Variants in OAF observed in about 807,000 individuals in gnomAD.
The protein encoded by OAF is out at first protein homolog.
OAF carries 13 observed loss-of-function variants against 22.5 expected under a neutral mutation model. The ratio of observed to expected loss-of-function variants is 0.58; its 90% CI spans 0.38 to 0.92. The LOEUF is 0.92. Ranked by LOEUF, OAF falls within the 40% of genes least tolerant of loss-of-function variation. The probability of loss-of-function intolerance (pLI) is 0.00; values close to 1 mark genes in which losing one functional copy is unlikely to be tolerated. For missense variants in OAF, 347 were observed against 381.8 expected (o/e 0.91, Z 0.76); for synonymous variants, 175 against 170.5 (o/e 1.03, Z -0.21).
At chr11:120,211,679 C>T (rs866942752) in intron 1 of OAF, among the ~76,000 whole-genome samples, 169 bp downstream of exon 1, 21 of 152,074 alleles carry the variant, frequency 1.4e-4, no homozygotes, top group Middle Eastern at 3.2e-3. Context: ...CAGGGCCCAC[C>T]CCTTCATTCT....
intron 1 of OAF, among the ~76,000 whole-genome samples, chr11:120,212,508 C>T (rs1467382575): frequency 2.0e-5 from 3 of 151,936 alleles, no homozygotes; most frequent in Non-Finnish European, 4.4e-5. Flanking sequence ...CTCCTTCCCC[C>T]AGCTAAAGAG....
chr11:120,215,926 C>G (rs2135090300), intron 1 of OAF, among the ~76,000 whole-genome samples: 1 of 152,122 alleles, frequency 6.6e-6, no homozygotes. Flanking sequence ...CTTTCCCCTC[C>G]CAGCATCAGG....
intron 3 of OAF, among the ~76,000 whole-genome samples, chr11:120,228,147 C>G (rs368159360): frequency 2.6e-5 from 4 of 151,774 alleles, no homozygotes; most frequent in Non-Finnish European, 5.9e-5. Flanking sequence ...TGCAATGGCA[C>G]GATCTCGGCT....
intron 1 of OAF, among the ~76,000 whole-genome samples, chr11:120,221,626 C>A (rs1264765958): frequency 6.6e-6 from 1 of 152,202 alleles, no homozygotes; most frequent in Non-Finnish European, 1.5e-5. Context: ...CCAGCAGAGG[C>A]AAAGCCAGGA....
rs539594186 is a variant in OAF at position 120,218,822 on chromosome 11, C to T, written c.232-6839C>T. ...CATTCTCCTGCAGGCGGGCCTCCCC[C>T]CAAACCCCAGGGCTTTCTGGGGAGG... is the stretch of plus-strand genomic sequence containing the variant. On this transcript the variant is annotated intron_variant, in intron 1 of 3. Coordinates refer to ENST00000328965, the MANE Select transcript of OAF (RefSeq NM_178507.4). Among the ~76,000 whole-genome samples, 357 of 152,184 alleles carry T rather than the reference C, an allele frequency of 2.3e-3. 3 individuals carry two copies. The highest frequency in any genetic ancestry group is 8.2e-3 in the African/African-American group (339 of 41,550).
chr11:120,228,845 T>A, intron 3 of OAF, 23 bp from the exon 4 acceptor site: 1 of 309,922 alleles, frequency 3.2e-6, no homozygotes, highest in Non-Finnish European at 6.5e-6. Flanking sequence ...CCTCCCTCCC[T>A]GATCCTTGCC....
rs550343225 is a variant in OAF, at chr11:120,220,332, A to T, written c.232-5329A>T. Among the ~76,000 whole-genome samples, 4 of 152,186 alleles carry T rather than the reference A, an allele frequency of 2.6e-5. No homozygotes were observed. In the South Asian group the frequency reaches 8.3e-4, roughly 32 times the overall value. ...CCCCTTGCCAGCCTCATCAGCACTCACGACCCTTCCCCTCCTCCCCTAGTA... is the reference window on the plus strand; with the variant it reads ...CCCCTTGCCAGCCTCATCAGCACTCTCGACCCTTCCCCTCCTCCCCTAGTA... On this transcript the variant is annotated intron_variant, in intron 1 of 3. Coordinates refer to ENST00000328965, the MANE Select transcript of OAF (RefSeq NM_178507.4).
intron 1 of OAF, chr11:120,217,040 T>TACCATGA (rs1471810488): frequency 6.6e-6 from 1 of 151,946 alleles, no homozygotes; most frequent in African/African-American, 2.4e-5. Flanking sequence ...GTACCATGAG[T>TACCATGA]GGGCTCCTTC....
At chr11:120,224,925 A>G (rs545031988) in intron 1 of OAF, among the ~76,000 whole-genome samples, 2 of 152,162 alleles carry the variant, frequency 1.3e-5, no homozygotes, top group Non-Finnish European at 2.9e-5. Context: ...AGCCCACCCT[A>G]CAGCTCTACT....
chr11:120,224,585 G>A (rs1938327190), intron 1 of OAF, among the ~76,000 whole-genome samples: 1 of 152,182 alleles, frequency 6.6e-6, no homozygotes, highest in Non-Finnish European at 1.5e-5. Context: ...GTTCTCGCGG[G>A]TGTACAGCAA....
At position 120,229,207 on chromosome 11, in the gene OAF, T is replaced by TGGCA. The variant is rs1157657914; in HGVS notation, c.*66_*69dup. 6 of 1,482,874 alleles carry TGGCA rather than the reference T, an allele frequency of 4.0e-6. No individual in the cohort carries two copies. The highest frequency in any genetic ancestry group is 5.6e-6 in the Non-Finnish European group (6 of 1,077,664). The allele number at this position is 1,482,874 out of a possible 1,614,324, so 91.9% of individuals were successfully genotyped here. On this transcript the variant is annotated 3_prime_UTR_variant, in exon 4 of 4. Transcript: ENST00000328965. ...GCTCTTCACCAGCCACTAGAGGGGG[T>TGGCA]GGCAACCCCCACCTGAGGCCTTATT... is the stretch of plus-strand genomic sequence containing the variant.
At chr11:120,222,897 T>C (rs1287394) in intron 1 of OAF, among the ~76,000 whole-genome samples, 39,535 of 148,432 alleles carry the variant, frequency 0.27, 6,309 homozygotes, top group African/African-American at 0.44. Flanking sequence ...GGTGACAGAG[T>C]GAGACTCTGT....
chr11:120,225,199 C>G (rs1367914091), intron 1 of OAF, among the ~76,000 whole-genome samples: 2 of 152,044 alleles, frequency 1.3e-5, no homozygotes, highest in Admixed American at 6.5e-5. Flanking sequence ...TCAGAAGCAC[C>G]AAGGGCATCT....
At position 120,228,919 on chromosome 11, in the gene OAF, A is replaced by C. The variant is rs1219619461; in HGVS notation, c.599A>C (p.Glu200Ala). Reference sequence around the variant, plus strand: ...CTGCCCAAGGCCTCAGAGCAGGCGGAGCTGCCTCGCTGCAGGCAGGTGGGG... The same window carrying C: ...CTGCCCAAGGCCTCAGAGCAGGCGGCGCTGCCTCGCTGCAGGCAGGTGGGG... ...EALPKASEQA[E>A]LPRCRQVGDH... is the part of the protein sequence containing the mutation. The change falls in exon 4 of 4, where the codon GAG becomes GCG. Residue 200 changes from glutamate to alanine, a missense_variant. Glu to Ala is a moderately radical substitution (Grantham distance 107). Coordinates refer to ENST00000328965, the MANE Select transcript of OAF (RefSeq NM_178507.4). 2 of 1,471,010 alleles carry C rather than the reference A, an allele frequency of 1.4e-6. No individual in the cohort carries two copies. The highest frequency in any genetic ancestry group is 1.8e-6 in the Non-Finnish European group (2 of 1,093,166). The allele number at this position is 1,471,010 out of a possible 1,614,324, so 91.1% of individuals were successfully genotyped here.
intron 1 of OAF, among the ~76,000 whole-genome samples, chr11:120,220,039 C>T (rs1186229072): frequency 6.6e-6 from 1 of 152,212 alleles, no homozygotes; most frequent in Non-Finnish European, 1.5e-5. Context: ...AGGCTAGAGT[C>T]GCTGCTCTTG....
Position 120,229,106 on chromosome 11 carries a change from G to A in OAF, c.786G>A (p.Gln262=), listed in dbSNP as rs771918690. The change falls in exon 4 of 4, where the codon CAG becomes CAA. Residue 262 remains glutamine (Q), a synonymous_variant. Transcript: ENST00000328965. ...YSFDFYVPQR[Q]LCLWDEDPYP... is the part of the protein sequence containing the mutation. ...TCGACTTCTACGTGCCCCAGAGGCA[G>A]CTGTGTCTCTGGGATGAGGATCCCT... 6.2e-7 allele frequency: 1 copy of A among 1,613,442 alleles called. No individual in the cohort carries two copies. The highest frequency in any genetic ancestry group is 2.2e-5 in the East Asian group (1 of 44,868).
At chr11:120,225,872 C>A in intron 2 of OAF, 77 bp downstream of exon 2, 3 of 1,371,356 alleles carry the variant, frequency 2.2e-6, no homozygotes, top group Non-Finnish European at 3.0e-6. Context: ...CCCGCAGACC[C>A]GGCCCAGATC....
At chr11:120,228,825 T>TACCCAAC in intron 3 of OAF, 43 bp from the exon 4 acceptor site, 6 of 434,172 alleles carry the variant, frequency 1.4e-5, no homozygotes, top group Admixed American at 2.3e-5. Context: ...GCTCCTTCCC[T>TACCCAAC]CCCTCCCTCC....
intron 1 of OAF, chr11:120,217,627 A>G (rs1471634768): frequency 6.6e-6 from 1 of 152,230 alleles, no homozygotes; most frequent in Admixed American, 6.5e-5. Context: ...AGCAATCACT[A>G]TGTACGTTTT....
Sources: gnomAD v4.1 joint callset for allele counts (sites outside exome capture counted in the v4.1 genomes callset) on GRCh38, gnomAD v4.1.1 for gene constraint, MANE v1.5 for transcripts, NCBI Gene and HGNC (gene_info 2026-07-23, HGNC 2026-07-21) for gene names.